C7orf25: variants seen among roughly 807,000 people sequenced by gnomAD.
C7orf25 encodes the protein UPF0415 protein C7orf25.
Under a neutral mutation model 25.5 loss-of-function variants are expected in C7orf25, and 14 were observed. The observed-to-expected ratio is 0.55, with a 90% confidence interval of 0.36 to 0.86. The LOEUF (loss-of-function observed/expected upper bound fraction) is 0.86. Ranked by LOEUF, C7orf25 falls within the 40% of genes least tolerant of loss-of-function variation. The pLI is 0.01. For missense variants in C7orf25, 405 were observed against 493.9 expected, an observed-to-expected ratio of 0.82 and a Z score of 1.71; for synonymous variants, 184 against 179.9, an observed-to-expected ratio of 1.02 and a Z score of -0.18.
intron 1 of C7orf25, chr7:42,911,282 A>T (rs1416201461): frequency 5.8e-6 from 5 of 861,210 alleles, no homozygotes; most frequent in Non-Finnish European, 7.8e-6. Context: ...CTGCTGAGAA[A>T]TTTTAATAAA....
Position 42,910,388 on chromosome 7 carries a change from G to A in C7orf25, c.513C>T (p.Asn171=). 1 of 1,614,240 alleles carries A rather than the reference G, an allele frequency of 6.2e-7. No individual in the cohort carries two copies. Among genetic ancestry groups the A allele is most frequent in the Admixed American group, 1.7e-5 (1 of 60,032 alleles). The change falls in exon 2 of 2, where the codon AAC becomes AAT. Residue 171 remains asparagine, a synonymous_variant. Coordinates refer to ENST00000350427, the MANE Select transcript of C7orf25 (RefSeq NM_001099858.2). ...SNPHIIFAFY[N]SVSSPMAEKL... ...TCTCTGCCATGGGGCTGGAGACACT[G>A]TTGTAAAATGCAAAGATGATGTGAG...
Position 42,909,342 on chromosome 7 carries a change from G to A in C7orf25, c.*293C>T, listed in dbSNP as rs573435829. ...ATTCCATGAAATGTGGTTAGCAGTA[G>A]GGGAGTTGTAGCCCTATCGAATCAA... is the stretch of plus-strand genomic sequence containing the variant. On this transcript the variant is annotated 3_prime_UTR_variant, in exon 2 of 2. Coordinates refer to ENST00000350427, the MANE Select transcript of C7orf25 (RefSeq NM_001099858.2). 1 of 297,776 alleles carries A rather than the reference G, an allele frequency of 3.4e-6. No individual in the cohort carries two copies. Among genetic ancestry groups the A allele is most frequent in the East Asian group, 5.9e-5 (1 of 16,994 alleles). 18.4% of individuals were successfully genotyped at this position (297,776 alleles called of 1,614,324 possible).
Position 42,909,424 on chromosome 7 carries a change from T to C in C7orf25, c.*211A>G, listed in dbSNP as rs1785826866. 1.9e-6 allele frequency: 1 copy of C among 534,752 alleles called. No individual in the cohort carries two copies. Among genetic ancestry groups the C allele is most frequent in the Non-Finnish European group, 3.2e-6 (1 of 311,360 alleles). 33.1% of individuals were successfully genotyped at this position (534,752 alleles called of 1,614,324 possible). On this transcript the variant is annotated 3_prime_UTR_variant, in exon 2 of 2. Coordinates refer to ENST00000350427, the MANE Select transcript of C7orf25 (RefSeq NM_001099858.2). ...GACGTATTTCGGTTCTTAATTGCACTAATGCAGACAGTTTGATAGATAAGC... is the reference window on the plus strand; with the variant it reads ...GACGTATTTCGGTTCTTAATTGCACCAATGCAGACAGTTTGATAGATAAGC...
chr7:42,911,663 G>A lies in C7orf25; in HGVS notation c.-22+252C>T, dbSNP rs1173944070. ...CCCCAGCGCAGGTCGCCGGGTGGGC[G>A]GGCCAGAGGCCGGCGGGGCCTTCTC... On this transcript the variant is annotated intron_variant, in intron 1 of 1. Coordinates refer to ENST00000350427, the MANE Select transcript of C7orf25 (RefSeq NM_001099858.2). 2.6e-5 allele frequency: 29 copies of A among 1,120,160 alleles called. No individual in the cohort carries two copies. The South Asian group carries it at 3.6e-4, about 14-fold the overall frequency. 69.4% of individuals were successfully genotyped at this position (1,120,160 alleles called of 1,614,324 possible).
intron 1 of C7orf25, chr7:42,911,610 C>G: frequency 9.5e-7 from 1 of 1,057,272 alleles, no homozygotes; most frequent in Non-Finnish European, 1.1e-6. Flanking sequence ...AACTCCAAGG[C>G]TGCAACCCGC....
chr7:42,912,024 G>T lies in C7orf25; in HGVS notation c.-131C>A, dbSNP rs571473765. 6 of 1,478,924 alleles carry T rather than the reference G, an allele frequency of 4.1e-6. No homozygotes were observed. Among genetic ancestry groups the T allele is most frequent in the Middle Eastern group, 1.8e-4 (1 of 5,672 alleles). 91.6% of individuals were successfully genotyped at this position (1,478,924 alleles called of 1,614,324 possible). Reference sequence around the variant, plus strand: ...CCCCACCCCGCTCGAACGCCGAGGCGGCTCCACCCGCGCGAGCCCCGCCGC... The same window carrying T: ...CCCCACCCCGCTCGAACGCCGAGGCTGCTCCACCCGCGCGAGCCCCGCCGC... On this transcript the variant is annotated 5_prime_UTR_variant, in exon 1 of 2. Transcript: ENST00000350427.
Position 42,911,907 on chromosome 7 carries a change from C to A in C7orf25, c.-22+8G>T, listed in dbSNP as rs1323409149. The A allele has an allele frequency of 6.8e-7, 1 of 1,463,996 alleles. No homozygotes were observed. Among genetic ancestry groups the A allele is most frequent in the Admixed American group, 2.5e-5 (1 of 40,114 alleles). 90.7% of individuals were successfully genotyped at this position (1,463,996 alleles called of 1,614,324 possible). A position where few individuals can be genotyped will look rare whatever the true frequency, so the allele number is the denominator to read the frequency against. The stretch of plus-strand genomic sequence containing the variant: ...CCAGCCTCCCCGCCTCGCTCCCCGG[C>A]TCCTCACCGGCAGCGCCAGAACCGC... On this transcript the variant is annotated splice_region_variant and intron_variant, in intron 1 of 1. Transcript: ENST00000350427.
At chr7:42,910,972 T>C in intron 1 of C7orf25, 51 bp from the exon 2 acceptor site, 5 of 1,602,202 alleles carry the variant, frequency 3.1e-6, no homozygotes, top group Non-Finnish European at 4.2e-6. Flanking sequence ...ATTATGACAA[T>C]CAATTCTTCA....
rs750592719 is a variant in C7orf25, at chr7:42,909,933, T to C, written c.968A>G (p.Glu323Gly). The C allele has an allele frequency of 2.7e-5, 43 of 1,614,026 alleles. 1 individual carries two copies. The highest frequency in any genetic ancestry group is 3.2e-5 in the Non-Finnish European group (38 of 1,180,032). The change falls in exon 2 of 2, where the codon GAG (glutamate) becomes GGG (glycine). Residue 323 changes from glutamate (E) to glycine (G), a missense_variant. Glu to Gly is a moderately conservative substitution (Grantham distance 98). Coordinates refer to ENST00000350427, the MANE Select transcript of C7orf25 (RefSeq NM_001099858.2). ...SILDTLGGPGERERATVLIKR... is the reference protein window; with the variant it reads ...SILDTLGGPGGRERATVLIKR... Reference sequence around the variant, plus strand: ...AATTAACACAGTGGCCCTCTCTCTCTCCCCAGGTCCTCCTAAGGTATCTAA... The same window carrying C: ...AATTAACACAGTGGCCCTCTCTCTCCCCCCAGGTCCTCCTAAGGTATCTAA...
Position 42,910,041 on chromosome 7 carries a change from T to C in C7orf25, c.860A>G (p.Gln287Arg). The change falls in exon 2 of 2, where the codon CAG (glutamine) becomes CGG (arginine). Residue 287 changes from glutamine (Q) to arginine (R), a missense_variant. Gln to Arg is a conservative substitution (Grantham distance 43, BLOSUM62 1). Transcript: ENST00000350427. ...TEQAEQERKE[Q>R]VLPQLEAFMK... ...AAAGGCCTCCAGCTGAGGTAGAACCTGCTCTTTCCTCTCTTGCTCTGCTTG... is the reference window on the plus strand; with the variant it reads ...AAAGGCCTCCAGCTGAGGTAGAACCCGCTCTTTCCTCTCTTGCTCTGCTTG... 1 of 1,614,204 alleles carries C rather than the reference T, an allele frequency of 6.2e-7. No individual in the cohort carries two copies.
At chr7:42,911,835 G>A in intron 1 of C7orf25, 80 bp downstream of exon 1, 3 of 1,307,888 alleles carry the variant, frequency 2.3e-6, no homozygotes, top group Non-Finnish European at 1.9e-6. Flanking sequence ...TTCCCGCCGG[G>A]CCGGCCCTGC....
At position 42,909,756 on chromosome 7, in the gene C7orf25, G is replaced by A; in HGVS notation, c.1145C>T (p.Ala382Val). ...AAATTTAACACCCTGGTTGTTTGCA[G>A]CTCTGACAAAACCACTATTAGCAGT... ...TMTANSGFVR[A>V]ANNQGVKFSV... The change falls in exon 2 of 2, where the codon GCT (alanine) becomes GTT (valine). Residue 382 changes from alanine to valine, a missense_variant. Physicochemically the swap from Ala to Val is moderately conservative, Grantham distance 64. Transcript: ENST00000350427. The A allele has an allele frequency of 6.2e-7, 1 of 1,614,204 alleles. No individual in the cohort carries two copies. The highest frequency in any genetic ancestry group is 1.1e-5 in the South Asian group (1 of 91,086).
rs952820381 is a variant in C7orf25, at chr7:42,912,060, T to C, written c.-167A>G. The stretch of plus-strand genomic sequence containing the variant: ...CGCGAGCCCCGCCGCCTCGGGCACC[T>C]CCTGCATCACGTGGTTCCGGGCCGG... On this transcript the variant is annotated 5_prime_UTR_variant, in exon 1 of 2. Transcript: ENST00000350427. 3.5e-6 allele frequency: 5 copies of C among 1,436,486 alleles called. No homozygotes were observed. The highest frequency in any genetic ancestry group is 1.4e-5 in the South Asian group (1 of 71,492). The allele number at this position is 1,436,486 out of a possible 1,614,324, so 89.0% of individuals were successfully genotyped here.
At position 42,909,447 on chromosome 7, in the gene C7orf25, A is replaced by ATCT. The variant is rs567930894; in HGVS notation, c.*187_*188insAGA. ...ACTAATGCAGACAGTTTGATAGATA[A>ATCT]GCTTCTCTCTTGTGCTTTTTCTACT... On this transcript the variant is annotated 3_prime_UTR_variant, in exon 2 of 2. Transcript: ENST00000350427. 103 of 597,384 alleles carry ATCT rather than the reference A, an allele frequency of 1.7e-4. No individual in the cohort carries two copies. The African/African-American group carries it at 1.8e-3, about 10-fold the overall frequency. 37.0% of individuals were successfully genotyped at this position (597,384 alleles called of 1,614,324 possible).
In C7orf25 at chr7:42,910,411, G is replaced by A; in HGVS notation, c.490C>T (p.His164Tyr). The A allele has an allele frequency of 6.2e-7, 1 of 1,614,228 alleles. No individual in the cohort carries two copies. The highest frequency in any genetic ancestry group is 8.5e-7 in the Non-Finnish European group (1 of 1,180,050). The change falls in exon 2 of 2, where the codon CAC becomes TAC. Residue 164 changes from histidine (H) to tyrosine (Y), a missense_variant. Coordinates refer to ENST00000350427, the MANE Select transcript of C7orf25 (RefSeq NM_001099858.2). Reference sequence around the variant, plus strand: ...CTGTTGTAAAATGCAAAGATGATGTGAGGGTTGCTATACTGCACTGGCTGC... The same window carrying A: ...CTGTTGTAAAATGCAAAGATGATGTAAGGGTTGCTATACTGCACTGGCTGC... ...HQQPVQYSNP[H>Y]IIFAFYNSVS...
Position 42,910,904 on chromosome 7 carries a change from G to T in C7orf25, c.-4C>A. 6.2e-7 allele frequency: 1 copy of T among 1,612,870 alleles called. No homozygotes were observed. The highest frequency in any genetic ancestry group is 2.2e-5 in the East Asian group (1 of 44,882). Reference sequence around the variant, plus strand: ...AGAGCATGGAATGTGCAGACATGCTGTCAGCATTATTCCTTTCCTAGGGAA... The same window carrying T: ...AGAGCATGGAATGTGCAGACATGCTTTCAGCATTATTCCTTTCCTAGGGAA... On this transcript the variant is annotated 5_prime_UTR_variant, in exon 2 of 2. Transcript: ENST00000350427.
At chr7:42,911,768 C>A (rs1264906830) in intron 1 of C7orf25, 147 bp downstream of exon 1, 2 of 1,240,042 alleles carry the variant, frequency 1.6e-6, no homozygotes, top group East Asian at 3.3e-5. Context: ...CCGAAAAGCC[C>A]CCACCGCCAG....
chr7:42,910,344 A>G lies in C7orf25; in HGVS notation c.557T>C (p.Ile186Thr). ...PMAEKLKEMG[I>T]SVRGDIVAVN... is the part of the protein sequence containing the mutation. Reference sequence around the variant, plus strand: ...TGCTACTATGTCTCCTCTCACAGATATGCCCATTTCTTTCAGCTTCTCTGC... The same window carrying G: ...TGCTACTATGTCTCCTCTCACAGATGTGCCCATTTCTTTCAGCTTCTCTGC... Residue 186 changes from isoleucine to threonine, a missense_variant, in exon 2 of 2, where the codon ATA (isoleucine) becomes ACA (threonine). Coordinates refer to ENST00000350427, the MANE Select transcript of C7orf25 (RefSeq NM_001099858.2). 6.2e-7 allele frequency: 1 copy of G among 1,614,220 alleles called. No homozygotes were observed. Among genetic ancestry groups the G allele is most frequent in the East Asian group, 2.2e-5 (1 of 44,878 alleles).
At position 42,910,165 on chromosome 7, in the gene C7orf25, T is replaced by C; in HGVS notation, c.736A>G (p.Lys246Glu). Residue 246 changes from lysine (K) to glutamate (E), a missense_variant, in exon 2 of 2, where the codon AAA becomes GAA. Transcript: ENST00000350427. ...GTAGTAATGTCCAGATTTACTCTTT[T>C]GCACACATCGACCTTAATTTCTGTT... Reference protein sequence around the residue: ...FPTEIKVDVCKRVNLDITTLI... With the variant: ...FPTEIKVDVCERVNLDITTLI... The C allele has an allele frequency of 1.2e-6, 2 of 1,614,204 alleles. No individual in the cohort carries two copies. Among genetic ancestry groups the C allele is most frequent in the Non-Finnish European group, 8.5e-7 (1 of 1,180,052 alleles).
Sources: gnomAD v4.1 joint callset for allele counts on GRCh38, gnomAD v4.1.1 for gene constraint, MANE v1.5 for transcripts, NCBI Gene and HGNC (gene_info 2026-07-23, HGNC 2026-07-21) for gene names.